Variants in SART3 observed in about 807,000 individuals in gnomAD.
SART3 encodes the protein spliceosome associated factor 3, U4/U6 recycling protein.
Under a neutral mutation model 122.3 loss-of-function variants are expected in SART3, and 44 were observed. The observed-to-expected ratio is 0.36, with a 90% CI of 0.28 to 0.46. SART3 has a LOEUF of 0.46. Ranked by LOEUF, SART3 falls within the 20% of genes least tolerant of loss-of-function variation. SART3 has a pLI of 1.00. For missense variants in SART3, 1,101 were observed against 1,229.0 expected, an observed-to-expected ratio of 0.90 and a Z score of 1.56; for synonymous variants, 442 against 454.0, an observed-to-expected ratio of 0.97 and a Z score of 0.34.
chr12:108,538,964 T>C lies in SART3; in HGVS notation c.1032A>G (p.Pro344=). The change falls in exon 7 of 19, where the codon CCA becomes CCG. Residue 344 remains proline (P), a synonymous_variant. Coordinates refer to ENST00000546815, the MANE Select transcript of SART3 (RefSeq NM_014706.4). The part of the protein sequence containing the change: ...ERALVENCLV[P]DLWIRYSQYL... Reference sequence around the variant, plus strand: ...ACTGACTGTAACGGATCCATAAGTCTGGGACAAGGCAGTTCTCGACCAGGG... The same window carrying C: ...ACTGACTGTAACGGATCCATAAGTCCGGGACAAGGCAGTTCTCGACCAGGG... 6.2e-7 allele frequency: 1 copy of C among 1,614,206 alleles called. No homozygotes were observed. The highest frequency in any genetic ancestry group is 8.5e-7 in the Non-Finnish European group (1 of 1,180,020).
rs1872671707 is a variant in SART3, at chr12:108,531,377, C to A, written c.1670-97G>T. ...ATTTCTCTGTACCTCCAGAAGAGAT[C>A]TCTCCCATCAAACAATAAGAAAATG... On this transcript the variant is annotated intron_variant, in intron 13 of 18. Coordinates refer to ENST00000546815, the MANE Select transcript of SART3 (RefSeq NM_014706.4). 3.4e-6 allele frequency: 3 copies of A among 875,638 alleles called. No homozygotes were observed. The East Asian group carries it at 7.5e-5, about 22-fold the overall frequency. 54.2% of individuals were successfully genotyped at this position (875,638 alleles called of 1,614,324 possible). A position where few individuals can be genotyped will look rare whatever the true frequency, so the allele number is the denominator to read the frequency against.
At position 108,536,800 on chromosome 12, in the gene SART3, A is replaced by G. The variant is rs1212721617; in HGVS notation, c.1310-15T>C. ...TTTACTGGAGTCTAACGGAAAGTGC[A>G]AAAAAAGGCTTTAGGAAACCACATA... On this transcript the variant is annotated splice_polypyrimidine_tract_variant and intron_variant, in intron 9 of 18. Coordinates refer to ENST00000546815, the MANE Select transcript of SART3 (RefSeq NM_014706.4). The G allele has an allele frequency of 3.1e-6, 5 of 1,607,566 alleles. No homozygotes were observed.
chr12:108,536,923 TTCCTGC>T, intron 9 of SART3, 138 bp from the exon 10 acceptor site: 2 of 770,914 alleles, frequency 2.6e-6, no homozygotes, highest in East Asian at 5.4e-5. Flanking sequence ...AAATTGCCAA[TTCCTGC>T]CCTCATCACA....
Position 108,530,263 on chromosome 12 carries a change from A to G in SART3, c.1794T>C (p.Ala598=). 3.1e-6 allele frequency: 5 copies of G among 1,614,094 alleles called. No homozygotes were observed. The highest frequency in any genetic ancestry group is 4.2e-6 in the Non-Finnish European group (5 of 1,180,026). ...CAGCCCGAGCTCTTTTCCGTTGTTC[A>G]GCCTTTTCTTCTTCTTGCTGCACAA... ...AALVQQEEEK[A]EQRKRARAEK... is the part of the protein sequence containing the mutation. Residue 598 remains alanine (A), a synonymous_variant, in exon 15 of 19, where the codon GCT becomes GCC. Transcript: ENST00000546815.
intron 15 of SART3, among the ~76,000 whole-genome samples, chr12:108,528,713 G>A (rs1872515068): frequency 6.6e-6 from 1 of 152,136 alleles, no homozygotes; most frequent in African/African-American, 2.4e-5. Flanking sequence ...GGGTGGGGAT[G>A]GCACATATGA....
intron 15 of SART3, among the ~76,000 whole-genome samples, chr12:108,528,986 G>A (rs1483869296): frequency 6.6e-6 from 1 of 152,154 alleles, no homozygotes; most frequent in Non-Finnish European, 1.5e-5. Context: ...AGCCAGGTAT[G>A]ATGGTGCATG....
At chr12:108,551,139 G>T (rs1015510678) in intron 1 of SART3, among the ~76,000 whole-genome samples, 1 of 152,176 alleles carries the variant, frequency 6.6e-6, no homozygotes, top group Admixed American at 6.5e-5. Flanking sequence ...AAAGGAAAAG[G>T]AGAGAAAAAG....
chr12:108,533,317 T>C lies in SART3; in HGVS notation c.1557-983A>G, dbSNP rs139066844. Among the ~76,000 whole-genome samples the C allele has an allele frequency of 5.6e-4, 84 of 149,586 alleles. 1 individual carries two copies. The East Asian group carries it at 0.014, about 25-fold the overall frequency. ...CAAATCAAGGCAGTAGAAATCTTTT[T>C]AATGCACTGTGTGATGAAATACTAA... is the stretch of plus-strand genomic sequence containing the variant. On this transcript the variant is annotated intron_variant, in intron 12 of 18. Coordinates refer to ENST00000546815, the MANE Select transcript of SART3 (RefSeq NM_014706.4).
At position 108,523,281 on chromosome 12, in the gene SART3, G is replaced by T; in HGVS notation, c.*176C>A. The T allele has an allele frequency of 1.4e-6, 1 of 692,218 alleles. No individual in the cohort carries two copies. The highest frequency in any genetic ancestry group is 2.6e-6 in the Non-Finnish European group (1 of 389,702). 42.9% of individuals were successfully genotyped at this position (692,218 alleles called of 1,614,324 possible). A position where few individuals can be genotyped will look rare whatever the true frequency, so the allele number is the denominator to read the frequency against. On this transcript the variant is annotated 3_prime_UTR_variant, in exon 19 of 19. Transcript: ENST00000546815. ...CTGCCACTGCCCTCAATATGAGGGAGCACTGAAAGGCTCTTGACTTAGAAC... is the reference window on the plus strand; with the variant it reads ...CTGCCACTGCCCTCAATATGAGGGATCACTGAAAGGCTCTTGACTTAGAAC...
chr12:108,554,618 C>A (rs921055504), intron 1 of SART3, among the ~76,000 whole-genome samples: 1 of 149,538 alleles, frequency 6.7e-6, no homozygotes, highest in Admixed American at 6.7e-5. Context: ...TTAAAATCTG[C>A]AATAAATATA....
intron 16 of SART3, 131 bp downstream of exon 16, chr12:108,525,968 C>T: frequency 1.3e-6 from 1 of 798,838 alleles, no homozygotes; most frequent in Non-Finnish European, 2.0e-6. Context: ...TGGACCTTGG[C>T]TCACAAGGAA....
In SART3 at chr12:108,544,470, T is replaced by C. The variant is rs888861479; in HGVS notation, c.738A>G (p.Lys246=). 6.2e-7 allele frequency: 1 copy of C among 1,614,226 alleles called. No individual in the cohort carries two copies. The highest frequency in any genetic ancestry group is 8.5e-7 in the Non-Finnish European group (1 of 1,180,040). Residue 246 remains lysine, a synonymous_variant, in exon 5 of 19, where the codon AAA becomes AAG. Transcript: ENST00000546815. ...ACTGTCGCCGGAAAAGACTGTGGACTTTCTCAAGCTGTGAATCAAAGGTTT... is the reference window on the plus strand; with the variant it reads ...ACTGTCGCCGGAAAAGACTGTGGACCTTCTCAAGCTGTGAATCAAAGGTTT... The part of the protein sequence containing the change: ...SAIVEAARLE[K]VHSLFRRQLA...
chr12:108,526,758 G>A (rs1197089562), intron 15 of SART3, among the ~76,000 whole-genome samples: 1 of 120,404 alleles, frequency 8.3e-6, no homozygotes, highest in African/African-American at 3.2e-5. Flanking sequence ...AATTACACTC[G>A]GGTAAGTGGG....
intron 11 of SART3, 99 bp from the exon 12 acceptor site, chr12:108,535,567 C>T: frequency 2.1e-6 from 2 of 969,276 alleles, no homozygotes; most frequent in Non-Finnish European, 3.3e-6. Flanking sequence ...AAGCACCCCA[C>T]AACTATTAGT....
intron 1 of SART3, among the ~76,000 whole-genome samples, chr12:108,557,206 GTTTTTTTTTTT>G (rs71076787): frequency 2.4e-5 from 2 of 82,930 alleles, no homozygotes; most frequent in Non-Finnish European, 4.2e-5. Flanking sequence ...TAATGACATA[GTTTTTTTTTTT>G]TTTTTTTTTT....
At chr12:108,543,961 C>T (rs1050790446) in intron 5 of SART3, among the ~76,000 whole-genome samples, 1 of 152,226 alleles carries the variant, frequency 6.6e-6, no homozygotes, top group African/African-American at 2.4e-5. Context: ...CTTATGAGTA[C>T]TTCCAATCAA....
chr12:108,559,039 GAAAAAAA>G (rs747479698), intron 1 of SART3, among the ~76,000 whole-genome samples: 21 of 103,946 alleles, frequency 2.0e-4, no homozygotes, highest in Middle Eastern at 0.016. Context: ...TCTCAAAAAA[GAAAAAAA>G]AAAAAAAAAA....
intron 3 of SART3, among the ~76,000 whole-genome samples, chr12:108,547,555 T>C (rs569383801): frequency 1.3e-5 from 2 of 151,550 alleles, no homozygotes; most frequent in African/African-American, 4.8e-5. Context: ...TGTTTTAATC[T>C]TTTTTTTTAA....
intron 9 of SART3, 81 bp from the exon 10 acceptor site, chr12:108,536,866 C>CAGGTACATAG: frequency 7.8e-7 from 1 of 1,283,234 alleles, no homozygotes; most frequent in Non-Finnish European, 1.1e-6. Context: ...CTGAAACTGC[C>CAGGTACATAG]TGGAGACCCA....
Sources: allele counts gnomAD v4.1 joint callset (sites outside exome capture counted in the v4.1 genomes callset), GRCh38; gene constraint gnomAD v4.1.1; transcripts MANE v1.5; gene names NCBI Gene and HGNC (gene_info 2026-07-23, HGNC 2026-07-21).